TRMT61B: variants seen among roughly 807,000 people sequenced by gnomAD.
TRMT61B encodes the protein tRNA (adenine(58)-N(1))-methyltransferase, mitochondrial.
TRMT61B carries 56 observed loss-of-function variants against 52.0 expected under a neutral mutation model. That is an observed-to-expected ratio of 1.08 (90% CI 0.87 to 1.35). The LOEUF is 1.35. Ranked by LOEUF, TRMT61B falls within the 40% of genes most tolerant of loss-of-function variation. The probability of loss-of-function intolerance (pLI) is 0.00; values close to 1 mark genes in which losing one functional copy is unlikely to be tolerated. For synonymous variants in TRMT61B, 206 were observed against 220.0 expected, an observed-to-expected ratio of 0.94 and a Z score of 0.56; for missense variants, 650 against 577.9, an observed-to-expected ratio of 1.12 and a Z score of -1.28.
chr2:28,859,626 G>A (rs1054215943), intron 3 of TRMT61B, among the ~76,000 whole-genome samples: 1 of 150,806 alleles, frequency 6.6e-6, no homozygotes, highest in African/African-American at 2.4e-5. Flanking sequence ...CCCTCATATT[G>A]AGTAATCATC....
chr2:28,851,233 T>A lies in TRMT61B; in HGVS notation c.1151A>T (p.Lys384Met). Residue 384 changes from lysine to methionine, a missense_variant, in exon 5 of 7, where the codon AAG becomes ATG. By Grantham distance (95) the Lys-to-Met change is moderately conservative. Transcript: ENST00000306108. ...ATCTCTGACAATGACCTCGCTTATC[T>A]TTTCACATGAAAGAGCAAGTTCACA... ...RTCELALSCE[K>M]ISEVIVRDWL... The A allele has an allele frequency of 1.9e-6, 3 of 1,613,904 alleles. No individual in the cohort carries two copies. The highest frequency in any genetic ancestry group is 2.5e-6 in the Non-Finnish European group (3 of 1,179,918).
intron 3 of TRMT61B, 43 bp from the exon 4 acceptor site, chr2:28,852,542 T>A (rs1669167274): frequency 1.6e-6 from 2 of 1,271,662 alleles, no homozygotes; most frequent in Non-Finnish European, 2.3e-6. Context: ...TGATTCCGTT[T>A]AAATAAAGCA....
At chr2:28,860,906 G>A (rs1051323814) in intron 3 of TRMT61B, among the ~76,000 whole-genome samples, 1 of 152,102 alleles carries the variant, frequency 6.6e-6, no homozygotes, top group Non-Finnish European at 1.5e-5. Context: ...CACATTCAAT[G>A]ACAACTTCAG....
intron 2 of TRMT61B, among the ~76,000 whole-genome samples, chr2:28,862,720 G>C (rs1669660659): frequency 6.6e-6 from 1 of 151,682 alleles, no homozygotes; most frequent in Admixed American, 6.6e-5. Flanking sequence ...GCCGGATACA[G>C]TGGCTCGCCA....
intron 3 of TRMT61B, among the ~76,000 whole-genome samples, chr2:28,858,423 G>C (rs1167519412): frequency 3.3e-5 from 5 of 151,484 alleles, no homozygotes; most frequent in Non-Finnish European, 5.9e-5. Context: ...ATTTTGGTTG[G>C]CATGTATGGA....
At chr2:28,865,738 T>C (rs927299804) in intron 1 of TRMT61B, among the ~76,000 whole-genome samples, 2 of 142,960 alleles carry the variant, frequency 1.4e-5, no homozygotes, top group East Asian at 4.1e-4. Flanking sequence ...TGGAGTGTGA[T>C]GGCACGATCT....
chr2:28,870,175 C>A lies in TRMT61B; in HGVS notation c.103G>T (p.Ala35Ser), dbSNP rs1208400119. 6.2e-7 allele frequency: 1 copy of A among 1,613,574 alleles called. No individual in the cohort carries two copies. ...GAGGACCTGCAACACAGTGACCGAG[C>A]TCCCTCGAAGGGCTCCTGCCCCAGG... ...HGLGQEPFEGARSLCCRSSPR... is the reference protein window; with the variant it reads ...HGLGQEPFEGSRSLCCRSSPR... Residue 35 changes from alanine to serine, a missense_variant, in exon 1 of 7, where the codon GCT becomes TCT. Coordinates refer to ENST00000306108, the MANE Select transcript of TRMT61B (RefSeq NM_017910.4).
chr2:28,866,735 T>C (rs191678161), intron 1 of TRMT61B, among the ~76,000 whole-genome samples: 7 of 152,280 alleles, frequency 4.6e-5, no homozygotes, highest in East Asian at 3.9e-4. Context: ...AAACATATAA[T>C]TGGAATTGTT....
At position 28,849,836 on chromosome 2, in the gene TRMT61B, A is replaced by G. The variant is rs1449892380; in HGVS notation, c.*363T>C. The G allele has an allele frequency of 7.1e-6, 10 of 1,414,418 alleles. No individual in the cohort carries two copies. The highest frequency in any genetic ancestry group is 8.8e-6 in the Non-Finnish European group (9 of 1,024,282). The allele number at this position is 1,414,418 out of a possible 1,614,324, so 87.6% of individuals were successfully genotyped here. A position where few individuals can be genotyped will look rare whatever the true frequency, so the allele number is the denominator to read the frequency against. On this transcript the variant is annotated 3_prime_UTR_variant, in exon 7 of 7. Transcript: ENST00000306108. Reference sequence around the variant, plus strand: ...ATACATAAAATTTATCTTAAAATGCATATTTTATTTCAGTAGTCAATGACC... The same window carrying G: ...ATACATAAAATTTATCTTAAAATGCGTATTTTATTTCAGTAGTCAATGACC...
At position 28,866,972 on chromosome 2, in the gene TRMT61B, T is replaced by A. The variant is rs948436460; in HGVS notation, c.700-1853A>T. ...CACCATGCCCAACTAATTTTTTTTTTATTTTTTATAAAGATGGGGTCCTGC... is the reference window on the plus strand; with the variant it reads ...CACCATGCCCAACTAATTTTTTTTTAATTTTTTATAAAGATGGGGTCCTGC... On this transcript the variant is annotated intron_variant, in intron 1 of 6. Coordinates refer to ENST00000306108, the MANE Select transcript of TRMT61B (RefSeq NM_017910.4). Among the ~76,000 whole-genome samples, 4 of 151,744 alleles carry A rather than the reference T, an allele frequency of 2.6e-5. No individual in the cohort carries two copies. The East Asian group carries it at 5.8e-4, about 22-fold the overall frequency.
chr2:28,857,609 G>A (rs561975166), intron 3 of TRMT61B, among the ~76,000 whole-genome samples: 52 of 152,286 alleles, frequency 3.4e-4, no homozygotes, highest in African/African-American at 1.2e-3. Context: ...ACAACTCTAT[G>A]AAATAGGTAC....
intron 3 of TRMT61B, among the ~76,000 whole-genome samples, chr2:28,855,920 G>A (rs763342022): frequency 1.3e-5 from 2 of 152,082 alleles, no homozygotes; most frequent in Non-Finnish European, 2.9e-5. Flanking sequence ...GCAGTGAGCC[G>A]AGATCACGCC....
intron 2 of TRMT61B, among the ~76,000 whole-genome samples, chr2:28,863,196 G>C (rs1669681443): frequency 6.6e-6 from 1 of 152,070 alleles, no homozygotes; most frequent in African/African-American, 2.4e-5. Context: ...AGCACTTTGG[G>C]AGGCTTAGGC....
Position 28,850,251 on chromosome 2 carries a change from AGAG to A in TRMT61B, c.1391-12_1391-10del, listed in dbSNP as rs761124556. On this transcript the variant is annotated splice_polypyrimidine_tract_variant and intron_variant, in intron 6 of 6. Coordinates refer to ENST00000306108, the MANE Select transcript of TRMT61B (RefSeq NM_017910.4). Reference sequence around the variant, plus strand: ...CAACTTGACAAGAAAAGCTAATTTAAGAGAAGAAAAACATAAAGTCATTATATT... The same window carrying A: ...CAACTTGACAAGAAAAGCTAATTTAAAAGAAAAACATAAAGTCATTATATT... The A allele has an allele frequency of 1.9e-6, 3 of 1,610,924 alleles. No individual in the cohort carries two copies. The South Asian group carries it at 3.3e-5, about 18-fold the overall frequency.
Position 28,870,235 on chromosome 2 carries a change from G to T in TRMT61B, c.43C>A (p.Arg15=), listed in dbSNP as rs759247356. The change falls in exon 1 of 7, where the codon CGG becomes AGG. Residue 15 remains arginine (R), a synonymous_variant. Coordinates refer to ENST00000306108, the MANE Select transcript of TRMT61B (RefSeq NM_017910.4). The part of the protein sequence containing the change: ...WCRGPVLLCL[R]QGLGTNSFLH... ...AATGAATTGGTTCCGAGCCCCTGCC[G>T]CAGGCACAGCAAGACAGGACCGCGG... is the stretch of plus-strand genomic sequence containing the variant. 1 of 1,608,632 alleles carries T rather than the reference G, an allele frequency of 6.2e-7. No homozygotes were observed. The highest frequency in any genetic ancestry group is 8.5e-7 in the Non-Finnish European group (1 of 1,178,862).
At chr2:28,861,004 C>G in intron 3 of TRMT61B, 114 bp downstream of exon 3, 1 of 866,690 alleles carries the variant, frequency 1.2e-6, no homozygotes, top group Non-Finnish European at 1.7e-6. Context: ...CTTTCAATCC[C>G]TAGAGATAGA....
intron 3 of TRMT61B, among the ~76,000 whole-genome samples, chr2:28,860,272 CAAA>C (rs540569211): frequency 2.0e-3 from 49 of 24,462 alleles, no homozygotes; most frequent in African/African-American, 4.4e-3. Flanking sequence ...ACTCTGTTGC[CAAA>C]AAAAAAAAAA....
chr2:28,860,276 A>AAAAAAC, intron 3 of TRMT61B, among the ~76,000 whole-genome samples: 1 of 119,622 alleles, frequency 8.4e-6, no homozygotes, highest in Non-Finnish European at 1.6e-5. Flanking sequence ...TGTTGCCAAA[A>AAAAAAC]AAAAAAAAAA....
intron 2 of TRMT61B, among the ~76,000 whole-genome samples, chr2:28,864,122 A>C (rs1669729011): frequency 6.6e-6 from 1 of 152,156 alleles, no homozygotes; most frequent in Non-Finnish European, 1.5e-5. Context: ...CTGGAAAAAA[A>C]AAAGATAATT....
Sources: gnomAD v4.1 joint callset for allele counts (sites outside exome capture counted in the v4.1 genomes callset) on GRCh38, gnomAD v4.1.1 for gene constraint, MANE v1.5 for transcripts, NCBI Gene and HGNC (gene_info 2026-07-23, HGNC 2026-07-21) for gene names.